RELL2: variants seen among roughly 807,000 people sequenced by gnomAD.
The protein encoded by RELL2 is RELT like 2.
In RELL2, 18 loss-of-function variants were observed where a neutral mutation model predicts 27.5. The ratio of observed to expected loss-of-function variants is 0.65; its 90% CI spans 0.45 to 0.97. The LOEUF (loss-of-function observed/expected upper bound fraction) is 0.97, where lower values mean the gene tolerates loss of function less well. Ranked by LOEUF, RELL2 falls within the 50% of genes least tolerant of loss-of-function variation. The probability of loss-of-function intolerance (pLI) is 0.00; values close to 1 mark genes in which losing one functional copy is unlikely to be tolerated. For synonymous variants in RELL2, 156 were observed against 147.5 expected, an observed-to-expected ratio of 1.06 and a Z score of -0.42; for missense variants, 370 against 397.5, an observed-to-expected ratio of 0.93 and a Z score of 0.59.
chr5:141,639,406 AC>A lies in RELL2; in HGVS notation c.318-57del, dbSNP rs2099906575. ...GGAGCATGCTGAAAGAACGTAAGAAACAAAACATGAAGGGAAATGGAAATGT... is the reference window on the plus strand; with the variant it reads ...GGAGCATGCTGAAAGAACGTAAGAAAAAAACATGAAGGGAAATGGAAATGT... On this transcript the variant is annotated intron_variant, in intron 3 of 6. Transcript: ENST00000297164. The surrounding 1 kb of genome is among the most constrained non-coding windows in gnomAD (Gnocchi z 4.4). 6.9e-7 allele frequency: 1 copy of A among 1,445,264 alleles called. No individual in the cohort carries two copies. The highest frequency in any genetic ancestry group is 9.5e-7 in the Non-Finnish European group (1 of 1,057,198). 89.5% of individuals were successfully genotyped at this position (1,445,264 alleles called of 1,614,324 possible). A position where few individuals can be genotyped will look rare whatever the true frequency, so the allele number is the denominator to read the frequency against.
Position 141,638,243 on chromosome 5 carries a change from T to A in RELL2, c.18T>A (p.Pro6=). 1 of 1,613,248 alleles carries A rather than the reference T, an allele frequency of 6.2e-7. No homozygotes were observed. The highest frequency in any genetic ancestry group is 8.5e-7 in the Non-Finnish European group (1 of 1,179,608). The change falls in exon 1 of 7, where the codon CCT becomes CCA. Residue 6 remains proline, a synonymous_variant. Transcript: ENST00000297164. ...AGGGCCTCATGTCGGAACCACAGCCTGACCTGGAACCGCCCCAACATGGGC... is the reference window on the plus strand; with the variant it reads ...AGGGCCTCATGTCGGAACCACAGCCAGACCTGGAACCGCCCCAACATGGGC... MSEPQ[P]DLEPPQHGLY...
chr5:141,638,920 C>T, intron 2 of RELL2, 35 bp from the exon 3 acceptor site: 2 of 1,612,682 alleles, frequency 1.2e-6, no homozygotes, highest in Non-Finnish European at 1.7e-6. Flanking sequence ...CTGACCTCCA[C>T]CTCCACTGAC....
intron 6 of RELL2, 32 bp downstream of exon 6, chr5:141,640,477 C>G: frequency 6.2e-7 from 1 of 1,613,994 alleles, no homozygotes; most frequent in Non-Finnish European, 8.5e-7. Flanking sequence ...ATGAGGTAAT[C>G]TCATCTTCCC....
Position 141,639,787 on chromosome 5 carries a change from C to T in RELL2, c.504-133C>T. 7.7e-7 allele frequency: 1 copy of T among 1,291,406 alleles called. No homozygotes were observed. The highest frequency in any genetic ancestry group is 1.1e-6 in the Non-Finnish European group (1 of 914,552). 80.0% of individuals were successfully genotyped at this position (1,291,406 alleles called of 1,614,324 possible). ...AAGTCAGGCTACACAATGTGCCCCA[C>T]AATCTGAGAAGGCCTCCCCTACCTT... On this transcript the variant is annotated intron_variant, in intron 4 of 6. Coordinates refer to ENST00000297164, the MANE Select transcript of RELL2 (RefSeq NM_173828.5). This position sits in a 1 kb window ranked among gnomAD's most constrained non-coding sequence, Gnocchi z 4.4.
rs756634349 is a variant in RELL2, at chr5:141,640,022, G to C, written c.606G>C (p.Gly202=). The C allele has an allele frequency of 6.2e-7, 1 of 1,613,420 alleles. No individual in the cohort carries two copies. ...SWGSGGGQDP[G]GGQGSGGGQP... ...GCTCTGGTGGGGGACAGGACCCAGG[G>C]GGTGGTCAGGGGTCTGGGGGAGGGC... Residue 202 remains glycine (G), a synonymous_variant, in exon 5 of 7, where the codon GGG becomes GGC. Coordinates refer to ENST00000297164, the MANE Select transcript of RELL2 (RefSeq NM_173828.5).
chr5:141,639,689 G>A lies in RELL2; in HGVS notation c.503+40G>A, dbSNP rs1427368785. 1 of 1,555,986 alleles carries A rather than the reference G, an allele frequency of 6.4e-7. No homozygotes were observed. The highest frequency in any genetic ancestry group is 2.3e-5 in the East Asian group (1 of 44,328). ...CCAGGGAAAGGGGGGCTGAGGTAGG[G>A]GGCCCAGTGATCAGGCACCTGATCC... On this transcript the variant is annotated intron_variant, in intron 4 of 6. Transcript: ENST00000297164. This position sits in a 1 kb window ranked among gnomAD's most constrained non-coding sequence, Gnocchi z 4.4.
chr5:141,638,774 C>T, intron 1 of RELL2, 21 bp from the exon 2 acceptor site: 1 of 1,610,464 alleles, frequency 6.2e-7, no homozygotes, highest in African/African-American at 1.3e-5. Context: ...TGCTTCCTTG[C>T]CAATCTCTTT....
chr5:141,638,422 C>T lies in RELL2; in HGVS notation c.184+13C>T. ...CAGCTTCAGCCCCGTGAGTGAGGAG[C>T]CTGGAACCCTGGCTCAGTCACCTTT... On this transcript the variant is annotated intron_variant, in intron 1 of 6. Coordinates refer to ENST00000297164, the MANE Select transcript of RELL2 (RefSeq NM_173828.5). The T allele has an allele frequency of 2.5e-6, 4 of 1,596,842 alleles. No individual in the cohort carries two copies. Among genetic ancestry groups the T allele is most frequent in the Non-Finnish European group, 3.4e-6 (4 of 1,174,214 alleles).
chr5:141,640,440 TGTGAG>T lies in RELL2; in HGVS notation c.*1+1_*1+5del. On this transcript the variant is annotated stop_lost and splice_region_variant and 3_prime_UTR_variant, in exon 6 of 7. Transcript: ENST00000297164. ...TCTCTACCACAGGGAGCAGGGAGTATGTGAGGTGAGTCTGCCTGAGCCCTAAATGA... is the reference window on the plus strand; with the variant it reads ...TCTCTACCACAGGGAGCAGGGAGTATGTGAGTCTGCCTGAGCCCTAAATGA... The T allele has an allele frequency of 6.2e-7, 1 of 1,614,190 alleles. No individual in the cohort carries two copies.
At position 141,640,944 on chromosome 5, in the gene RELL2, C is replaced by A; in HGVS notation, c.*275C>A. On this transcript the variant is annotated 3_prime_UTR_variant, in exon 7 of 7. Coordinates refer to ENST00000297164, the MANE Select transcript of RELL2 (RefSeq NM_173828.5). ...TGGCAGCTGGGAGCAGGCCCCTGCCCGTGGTGGGCCCCTAAAGCAATAGCA... is the reference window on the plus strand; with the variant it reads ...TGGCAGCTGGGAGCAGGCCCCTGCCAGTGGTGGGCCCCTAAAGCAATAGCA... The A allele has an allele frequency of 2.0e-6, 1 of 508,784 alleles. No individual in the cohort carries two copies. Among genetic ancestry groups the A allele is most frequent in the Non-Finnish European group, 3.5e-6 (1 of 288,724 alleles). The allele number at this position is 508,784 out of a possible 1,614,324, so 31.5% of individuals were successfully genotyped here.
At position 141,638,093 on chromosome 5, in the gene RELL2, C is replaced by T; in HGVS notation, c.-133C>T. 3.0e-6 allele frequency: 2 copies of T among 667,682 alleles called. No homozygotes were observed. The highest frequency in any genetic ancestry group is 2.5e-5 in the Admixed American group (1 of 40,414). 41.4% of individuals were successfully genotyped at this position (667,682 alleles called of 1,614,324 possible). On this transcript the variant is annotated 5_prime_UTR_variant, in exon 1 of 7. Transcript: ENST00000297164. ...TCCCTGGTTGGGTAGGGGGTGGGGC[C>T]GGACCTCAGCCGGACGTCTTAGACG...
In RELL2 at chr5:141,639,744, G is replaced by T; in HGVS notation, c.503+95G>T. Reference sequence around the variant, plus strand: ...AGTGGGCCTTGGCTCTTTCCTCCTGGACTGGGAGCTCCGGCAGAAGTCAGG... The same window carrying T: ...AGTGGGCCTTGGCTCTTTCCTCCTGTACTGGGAGCTCCGGCAGAAGTCAGG... On this transcript the variant is annotated intron_variant, in intron 4 of 6. Coordinates refer to ENST00000297164, the MANE Select transcript of RELL2 (RefSeq NM_173828.5). The surrounding 1 kb of genome is among the most constrained non-coding windows in gnomAD (Gnocchi z 4.4). 1 of 1,361,144 alleles carries T rather than the reference G, an allele frequency of 7.3e-7. No homozygotes were observed. Among genetic ancestry groups the T allele is most frequent in the South Asian group, 1.3e-5 (1 of 75,220 alleles). 84.3% of individuals were successfully genotyped at this position (1,361,144 alleles called of 1,614,324 possible).
chr5:141,639,724 G>C lies in RELL2; in HGVS notation c.503+75G>C, dbSNP rs755843926. ...ATCAGGCACCTGATCCCAAAAGTGG[G>C]CCTTGGCTCTTTCCTCCTGGACTGG... On this transcript the variant is annotated intron_variant, in intron 4 of 6. Transcript: ENST00000297164. This position sits in a 1 kb window ranked among gnomAD's most constrained non-coding sequence, Gnocchi z 4.4. 1 of 1,450,658 alleles carries C rather than the reference G, an allele frequency of 6.9e-7. No homozygotes were observed. The highest frequency in any genetic ancestry group is 9.4e-7 in the Non-Finnish European group (1 of 1,065,078). The allele number at this position is 1,450,658 out of a possible 1,614,324, so 89.9% of individuals were successfully genotyped here.
At chr5:141,638,600 A>G (rs570083318) in intron 1 of RELL2, among the ~76,000 whole-genome samples, 191 bp downstream of exon 1, 156 of 152,324 alleles carry the variant, frequency 1.0e-3, no homozygotes, top group African/African-American at 3.6e-3. Flanking sequence ...CATGGGCAGG[A>G]ACGGTCCTCT....
In RELL2 at chr5:141,639,860, G is replaced by A; in HGVS notation, c.504-60G>A. 1 of 1,569,336 alleles carries A rather than the reference G, an allele frequency of 6.4e-7. No individual in the cohort carries two copies. The highest frequency in any genetic ancestry group is 8.8e-7 in the Non-Finnish European group (1 of 1,141,886). On this transcript the variant is annotated intron_variant, in intron 4 of 6. Coordinates refer to ENST00000297164, the MANE Select transcript of RELL2 (RefSeq NM_173828.5). The surrounding 1 kb of genome is among the most constrained non-coding windows in gnomAD (Gnocchi z 4.4). ...AAACTCAGGATGTCCCTGGTCAGAG[G>A]GGAGGGCCAAGCAGCCTCTGAGTTG...
chr5:141,640,583 G>A (rs1467164617), intron 6 of RELL2, 88 bp from the exon 7 acceptor site: 4 of 1,549,802 alleles, frequency 2.6e-6, no homozygotes, highest in East Asian at 2.4e-5. Flanking sequence ...GTTTGGTGGT[G>A]GAGGTAGGGA....
chr5:141,638,430 C>T, intron 1 of RELL2, 21 bp downstream of exon 1: 1 of 1,592,172 alleles, frequency 6.3e-7, no homozygotes, highest in Non-Finnish European at 8.5e-7. Flanking sequence ...AGCCTGGAAC[C>T]CTGGCTCAGT....
At position 141,640,025 on chromosome 5, in the gene RELL2, T is replaced by G. The variant is rs369910947; in HGVS notation, c.609T>G (p.Gly203=). Residue 203 remains glycine, a synonymous_variant, in exon 5 of 7, where the codon GGT becomes GGG. Transcript: ENST00000297164. ...WGSGGGQDPG[G]GQGSGGGQPK... is the part of the protein sequence containing the mutation. The stretch of plus-strand genomic sequence containing the variant: ...CTGGTGGGGGACAGGACCCAGGGGG[T>G]GGTCAGGGGTCTGGGGGAGGGCAGC... 1 of 1,612,274 alleles carries G rather than the reference T, an allele frequency of 6.2e-7. No homozygotes were observed. Among genetic ancestry groups the G allele is most frequent in the South Asian group, 1.1e-5 (1 of 90,992 alleles).
rs1246446522 is a variant in RELL2 at position 141,640,121 on chromosome 5, C to T, written c.705C>T (p.Pro235=). ...ERPQPQVLAS[P]PVQNGGLRDS... is the part of the protein sequence containing the mutation. ...CACAGCCCCAGGTCCTAGCCAGCCC[C>T]CCAGTACAGAATGGAGGACTCAGGG... The change falls in exon 5 of 7, where the codon CCC becomes CCT. Residue 235 remains proline (P), a synonymous_variant. Coordinates refer to ENST00000297164, the MANE Select transcript of RELL2 (RefSeq NM_173828.5). 6.2e-7 allele frequency: 1 copy of T among 1,614,012 alleles called. No individual in the cohort carries two copies. The highest frequency in any genetic ancestry group is 1.6e-4 in the Middle Eastern group (1 of 6,062).
Sources: gnomAD v4.1 joint callset for allele counts (sites outside exome capture counted in the v4.1 genomes callset) on GRCh38, gnomAD v4.1.1 for gene constraint, Gnocchi (gnomAD v3.1) non-coding constraint, MANE v1.5 for transcripts, NCBI Gene and HGNC (gene_info 2026-07-23, HGNC 2026-07-21) for gene names.